The following STK32B variants were observed in gnomAD, a reference collection of about 807,000 sequenced individuals.
STK32B encodes the protein serine/threonine-protein kinase 32B.
In STK32B, 43 loss-of-function variants were observed where a neutral mutation model predicts 52.6. The observed-to-expected ratio is 0.82, with a 90% CI of 0.64 to 1.05. The LOEUF (loss-of-function observed/expected upper bound fraction) is 1.05, where lower values mean the gene tolerates loss of function less well. Among genes scored for constraint, STK32B ranks in the 50% least tolerant of loss-of-function variants. The probability of loss-of-function intolerance (pLI) is 0.00; values close to 1 mark genes in which losing one functional copy is unlikely to be tolerated. For missense variants in STK32B, 621 were observed against 534.6 expected, an observed-to-expected ratio of 1.16 and a Z score of -1.59; for synonymous variants, 238 against 204.3, an observed-to-expected ratio of 1.17 and a Z score of -1.41.
At chr4:5,019,456 G>A in the STK32B span, 10 of 1,453,064 alleles carry the variant, frequency 6.9e-6, no homozygotes, top group Non-Finnish European at 9.0e-6. Flanking sequence ...GGTGCCAGGC[G>A]CTGGTGCAGC....
chr4:5,395,169 A>G lies in STK32B; in HGVS notation c.435-3038A>G, dbSNP rs572185577. Reference sequence around the variant, plus strand: ...CACCGTGTGGCTGGCTCCACACAGCAGCTCATGTCTTGAGCTCTCACTCCA... The same window carrying G: ...CACCGTGTGGCTGGCTCCACACAGCGGCTCATGTCTTGAGCTCTCACTCCA... On this transcript the variant is annotated intron_variant, in intron 4 of 11. Transcript: ENST00000282908. The surrounding 1 kb of genome is among the most constrained non-coding windows in gnomAD (Gnocchi z 4.4). 7.4e-3 allele frequency among the ~76,000 whole-genome samples: 1,133 copies of G among 152,268 alleles called. 18 individuals are homozygous for G. The highest frequency in any genetic ancestry group is 0.026 in the African/African-American group (1,074 of 41,548).
At chr4:5,177,226 G>A (rs1217852289) in intron 3 of STK32B, among the ~76,000 whole-genome samples, 1 of 152,146 alleles carries the variant, frequency 6.6e-6, no homozygotes, top group Non-Finnish European at 1.5e-5. Context: ...TATAATCAGG[G>A]CAGAAGGCAA....
intron 3 of STK32B, among the ~76,000 whole-genome samples, chr4:5,187,522 G>A (rs569127569): frequency 2.0e-5 from 3 of 149,672 alleles, no homozygotes; most frequent in Non-Finnish European, 4.4e-5. Context: ...GCCAACAAGA[G>A]TCAGTACTGG....
In STK32B at chr4:5,131,405, T is replaced by A. The variant is rs536344870; in HGVS notation, c.53-8500T>A. On this transcript the variant is annotated intron_variant, in intron 1 of 11. Transcript: ENST00000282908. Reference sequence around the variant, plus strand: ...ACATCTAAGATGCTTTGATTGAAGTTTGAATATTTCCAAACAGCTTAAACA... The same window carrying A: ...ACATCTAAGATGCTTTGATTGAAGTATGAATATTTCCAAACAGCTTAAACA... Among the ~76,000 whole-genome samples, 6 of 152,254 alleles carry A rather than the reference T, an allele frequency of 3.9e-5. No homozygotes were observed. In the South Asian group the frequency reaches 1.2e-3, roughly 32 times the overall value.
At chr4:5,055,728 C>A (rs971602906) in intron 1 of STK32B, among the ~76,000 whole-genome samples, 2 of 152,156 alleles carry the variant, frequency 1.3e-5, no homozygotes, top group Non-Finnish European at 2.9e-5. Context: ...AGCCCTGGCA[C>A]CTGCCCCTCT....
intron 4 of STK32B, among the ~76,000 whole-genome samples, chr4:5,354,766 T>C (rs922256069): frequency 1.3e-5 from 2 of 152,206 alleles, no homozygotes; most frequent in African/African-American, 4.8e-5. Flanking sequence ...GACTTGAACA[T>C]TACATATTCT....
chr4:5,158,197 G>A (rs1011945089), intron 2 of STK32B, among the ~76,000 whole-genome samples: 5 of 152,212 alleles, frequency 3.3e-5, no homozygotes, highest in Middle Eastern at 3.4e-3. Context: ...TCATAATGAC[G>A]TCTCCTTCCA....
chr4:5,040,479 C>T, the STK32B span, among the ~76,000 whole-genome samples: 1 of 151,246 alleles, frequency 6.6e-6, no homozygotes, highest in East Asian at 1.9e-4. Flanking sequence ...CTGCAACCTC[C>T]GCCTCCTGGG....
At chr4:5,369,986 C>G (rs912156430) in intron 4 of STK32B, among the ~76,000 whole-genome samples, 7 of 152,206 alleles carry the variant, frequency 4.6e-5, no homozygotes, top group African/African-American at 1.7e-4. Flanking sequence ...TGCCATTCTC[C>G]TGCCTCAGCC....
intron 3 of STK32B, among the ~76,000 whole-genome samples, chr4:5,327,777 A>G (rs1479292812): frequency 1.3e-5 from 2 of 152,224 alleles, no homozygotes; most frequent in African/African-American, 4.8e-5. Flanking sequence ...GAGCCTCCCT[A>G]GTGAGAGAGC....
At chr4:5,358,884 G>C (rs1375517331) in intron 4 of STK32B, among the ~76,000 whole-genome samples, 2 of 152,164 alleles carry the variant, frequency 1.3e-5, no homozygotes, top group Admixed American at 6.6e-5. Context: ...CTAAGGAGTG[G>C]GTTAACACAT....
chr4:5,493,499 A>G lies in STK32B; in HGVS notation c.1107-5446A>G, dbSNP rs1312269596. Among the ~76,000 whole-genome samples, 8 of 152,214 alleles carry G rather than the reference A, an allele frequency of 5.3e-5. No homozygotes were observed. In the East Asian group the frequency reaches 1.5e-3, roughly 29 times the overall value. ...TCTTTATTAGTCTTCCTAGCAGTCT[A>G]TCAATTTTGTTGATCCTTTCAAAAA... On this transcript the variant is annotated intron_variant, in intron 11 of 11. Coordinates refer to ENST00000282908, the MANE Select transcript of STK32B (RefSeq NM_018401.3).
intron 1 of STK32B, among the ~76,000 whole-genome samples, chr4:5,109,358 C>G (rs1358423502): frequency 2.6e-5 from 4 of 152,166 alleles, no homozygotes; most frequent in Non-Finnish European, 5.9e-5. Context: ...AGGACACACA[C>G]ATGGACGAAT....
At chr4:5,324,157 C>G (rs533054704) in intron 3 of STK32B, among the ~76,000 whole-genome samples, 1 of 152,174 alleles carries the variant, frequency 6.6e-6, no homozygotes, top group African/African-American at 2.4e-5. Flanking sequence ...AGTTCAAGAC[C>G]AGTCTGGCCA....
At chr4:5,202,107 G>C (rs1277314294) in intron 3 of STK32B, among the ~76,000 whole-genome samples, 3 of 152,188 alleles carry the variant, frequency 2.0e-5, no homozygotes, top group South Asian at 4.1e-4. Context: ...AAGCAAGTTA[G>C]TTACTTCCAA....
At chr4:5,482,376 GCTCT>G (rs1241033862) in intron 11 of STK32B, among the ~76,000 whole-genome samples, 1 of 152,034 alleles carries the variant, frequency 6.6e-6, no homozygotes, top group Non-Finnish European at 1.5e-5. Context: ...TCATGATTTG[GCTCT>G]CTGTTTGTCT....
chr4:5,050,253 TCA>T (rs1231589672), upstream of STK32B, among the ~76,000 whole-genome samples: 1 of 152,170 alleles, frequency 6.6e-6, no homozygotes, highest in East Asian at 1.9e-4. Flanking sequence ...GATATAATTC[TCA>T]CAGACAACCC....
intron 3 of STK32B, among the ~76,000 whole-genome samples, chr4:5,299,582 G>A (rs1330167046): frequency 6.6e-6 from 1 of 152,142 alleles, no homozygotes; most frequent in East Asian, 1.9e-4. Context: ...TTGTAGGTAT[G>A]TGGCTTTATT....
chr4:5,428,242 C>T (rs1311375900), intron 6 of STK32B, among the ~76,000 whole-genome samples: 2 of 151,916 alleles, frequency 1.3e-5, no homozygotes, highest in Non-Finnish European at 2.9e-5. Context: ...CCCGTCTCTA[C>T]TAAAAAATAT....
Sources: allele counts gnomAD v4.1 joint callset (sites outside exome capture counted in the v4.1 genomes callset), GRCh38; gene constraint gnomAD v4.1.1; non-coding constraint Gnocchi (gnomAD v3.1); transcripts MANE v1.5; gene names NCBI Gene and HGNC (gene_info 2026-07-23, HGNC 2026-07-21).